PREP: variants seen among roughly 807,000 people sequenced by gnomAD.
PREP encodes the protein prolyl endopeptidase.
A neutral mutation model predicts 87.6 loss-of-function variants in PREP; 29 were observed. That is an observed-to-expected ratio of 0.33 (90% CI 0.25 to 0.45). The LOEUF (loss-of-function observed/expected upper bound fraction) is 0.45. Among genes scored for constraint, PREP ranks in the 20% least tolerant of loss-of-function variants. The pLI, the probability that PREP is intolerant of heterozygous loss-of-function variation, is 1.00. For synonymous variants in PREP, 337 were observed against 328.6 expected (o/e 1.03, Z -0.28); for missense variants, 695 against 886.5 (o/e 0.78, Z 2.74).
At chr6:105,355,916 A>AT (rs1211556842) in intron 6 of PREP, among the ~76,000 whole-genome samples, 2 of 152,188 alleles carry the variant, frequency 1.3e-5, no homozygotes, top group African/African-American at 4.8e-5. Context: ...TATGTGGTTC[A>AT]TTTTTATATT....
intron 10 of PREP, among the ~76,000 whole-genome samples, chr6:105,308,876 G>A (rs545742900): frequency 1.8e-3 from 268 of 152,272 alleles, no homozygotes; most frequent in Non-Finnish European, 3.1e-3. Context: ...GAGTGCAATG[G>A]AGATACGGGT....
At chr6:105,282,719 A>T in intron 12 of PREP, 137 bp from the exon 13 acceptor site, 1 of 975,166 alleles carries the variant, frequency 1.0e-6, no homozygotes, top group East Asian at 2.7e-5. Flanking sequence ...GCATTTAAAA[A>T]AAAGCCTCAA....
chr6:105,399,698 A>C (rs968215520), intron 1 of PREP, among the ~76,000 whole-genome samples: 3 of 152,214 alleles, frequency 2.0e-5, no homozygotes, highest in African/African-American at 7.2e-5. Context: ...AGTGGTTATA[A>C]AATAGGCTTA....
intron 1 of PREP, among the ~76,000 whole-genome samples, chr6:105,401,010 C>G (rs72939789): frequency 0.04 from 6,065 of 152,280 alleles, 182 homozygotes; most frequent in South Asian, 0.15. Context: ...AGGAGCCACA[C>G]AACAAGATCC....
At chr6:105,372,445 G>C (rs992854910) in intron 5 of PREP, among the ~76,000 whole-genome samples, 2 of 152,132 alleles carry the variant, frequency 1.3e-5, no homozygotes, top group Non-Finnish European at 2.9e-5. Context: ...TACATACCAC[G>C]TTGAAATGTG....
chr6:105,353,719 C>T (rs1258267238), intron 6 of PREP, among the ~76,000 whole-genome samples: 1 of 145,702 alleles, frequency 6.9e-6, no homozygotes, highest in Admixed American at 6.9e-5. Context: ...TTGCAGTGAG[C>T]TGACACGGTG....
intron 14 of PREP, among the ~76,000 whole-genome samples, chr6:105,280,415 A>G (rs1473340996): frequency 1.3e-5 from 2 of 152,260 alleles, no homozygotes; most frequent in Non-Finnish European, 2.9e-5. Flanking sequence ...GATTAAAAAT[A>G]AAACTCTTAC....
In PREP at chr6:105,276,004, C is replaced by A. The variant is rs761253352; in HGVS notation, c.*2140G>T. On this transcript the variant is annotated 3_prime_UTR_variant, in exon 15 of 15. Transcript: ENST00000652536. ...TAATCTACTGTGCATTTCAAAATAG[C>A]TAGAAGAGAGTAATCATAAGAAAGA... Among the ~76,000 whole-genome samples the A allele has an allele frequency of 6.6e-6, 1 of 152,150 alleles. No homozygotes were observed. Among genetic ancestry groups the A allele is most frequent in the Non-Finnish European group, 1.5e-5 (1 of 68,030 alleles).
chr6:105,308,036 GGT>G (rs1770688957), intron 10 of PREP, among the ~76,000 whole-genome samples: 1 of 152,020 alleles, frequency 6.6e-6, no homozygotes, highest in African/African-American at 2.4e-5. Context: ...TATGGGGCAC[GGT>G]GACTTCTGGG....
intron 8 of PREP, among the ~76,000 whole-genome samples, chr6:105,332,867 T>C (rs1771374246): frequency 6.6e-6 from 1 of 152,150 alleles, no homozygotes; most frequent in Non-Finnish European, 1.5e-5. Flanking sequence ...CTGACAATAG[T>C]CTATTCCCTT....
chr6:105,305,089 C>T (rs1770626003), intron 10 of PREP, among the ~76,000 whole-genome samples: 1 of 152,136 alleles, frequency 6.6e-6, no homozygotes, highest in Admixed American at 6.5e-5. Flanking sequence ...TCCTCATTAA[C>T]TCAAAACTAC....
intron 2 of PREP, among the ~76,000 whole-genome samples, chr6:105,392,749 G>C (rs1773188160): frequency 6.6e-6 from 1 of 152,154 alleles, no homozygotes; most frequent in African/African-American, 2.4e-5. Flanking sequence ...GCTAATTTTT[G>C]TATTTTTAGT....
chr6:105,345,032 G>A (rs1771760680), intron 7 of PREP, among the ~76,000 whole-genome samples: 1 of 152,170 alleles, frequency 6.6e-6, no homozygotes, highest in Admixed American at 6.5e-5. Context: ...CCAAAGTATA[G>A]GCCCTCACAG....
intron 8 of PREP, 48 bp downstream of exon 8, chr6:105,333,266 T>G: frequency 6.5e-7 from 1 of 1,533,074 alleles, no homozygotes. Flanking sequence ...CTTGTTGATG[T>G]TCTCATCAAA....
chr6:105,387,200 G>C (rs11152885), intron 2 of PREP, among the ~76,000 whole-genome samples: 7,948 of 150,226 alleles, frequency 0.053, 278 homozygotes, highest in South Asian at 0.18. Flanking sequence ...CTGGGTGACA[G>C]AGCAAGCCTC....
intron 7 of PREP, among the ~76,000 whole-genome samples, chr6:105,341,875 T>C (rs1460139543): frequency 2.0e-5 from 3 of 152,092 alleles, no homozygotes; most frequent in Non-Finnish European, 2.9e-5. Flanking sequence ...AATAACAGGC[T>C]CTGAAATTGA....
In PREP at chr6:105,328,020, C is replaced by T. The variant is rs79225671; in HGVS notation, c.1213+809G>A. On this transcript the variant is annotated intron_variant, in intron 9 of 14. Transcript: ENST00000652536. ...TAACCCGTACCATGAAATGTAAAAC[C>T]ACAACTTAACAAGTGTTTCCCTTTC... 1.7e-4 allele frequency among the ~76,000 whole-genome samples: 26 copies of T among 152,186 alleles called. No individual in the cohort carries two copies. The East Asian group carries it at 4.6e-3, about 27-fold the overall frequency.
intron 6 of PREP, among the ~76,000 whole-genome samples, chr6:105,365,317 C>T (rs1772358950): frequency 6.6e-6 from 1 of 152,170 alleles, no homozygotes; most frequent in African/African-American, 2.4e-5. Context: ...AGTGAATAGC[C>T]TGAGAGCTAA....
At chr6:105,319,206 T>C (rs566584601) in intron 10 of PREP, among the ~76,000 whole-genome samples, 2 of 152,360 alleles carry the variant, frequency 1.3e-5, no homozygotes, top group African/African-American at 4.8e-5. Flanking sequence ...TCCTATTAAG[T>C]ATAAGAGAAC....
Sources: gnomAD v4.1 joint callset for allele counts (sites outside exome capture counted in the v4.1 genomes callset) on GRCh38, gnomAD v4.1.1 for gene constraint, MANE v1.5 for transcripts, NCBI Gene and HGNC (gene_info 2026-07-23, HGNC 2026-07-21) for gene names.